ELAPOR1: variants seen among roughly 807,000 people sequenced by gnomAD.
The protein encoded by ELAPOR1 is endosome/lysosome-associated apoptosis and autophagy regulator 1.
Under a neutral mutation model 119.7 loss-of-function variants are expected in ELAPOR1, and 77 were observed. The ratio of observed to expected loss-of-function variants is 0.64; its 90% confidence interval spans 0.54 to 0.78. The LOEUF is 0.78. Among genes scored for constraint, ELAPOR1 ranks in the 30% least tolerant of loss-of-function variants. The pLI is 0.00. For synonymous variants in ELAPOR1, 481 were observed against 487.2 expected, an observed-to-expected ratio of 0.99 and a Z score of 0.17; for missense variants, 1,115 against 1,270.4, an observed-to-expected ratio of 0.88 and a Z score of 1.86.
rs1471332997 is a variant in ELAPOR1 at position 109,204,221 on chromosome 1, C to G, written c.*1209C>G. The G allele has an allele frequency of 6.6e-6, 1 of 152,228 alleles. No individual in the cohort carries two copies. Among genetic ancestry groups the G allele is most frequent in the Non-Finnish European group, 1.5e-5 (1 of 68,058 alleles). 9.4% of individuals were successfully genotyped at this position (152,228 alleles called of 1,614,324 possible). A position where few individuals can be genotyped will look rare whatever the true frequency, so the allele number is the denominator to read the frequency against. On this transcript the variant is annotated 3_prime_UTR_variant, in exon 22 of 22. Coordinates refer to ENST00000369939, the MANE Select transcript of ELAPOR1 (RefSeq NM_020775.5). The stretch of plus-strand genomic sequence containing the variant: ...TACAGGCATAAGCCACTGCACTCAG[C>G]CTTTTATTTGTTTTTTAAACCACGT...
In ELAPOR1 at chr1:109,203,338, T is replaced by G. The variant is rs1262018468; in HGVS notation, c.*326T>G. On this transcript the variant is annotated 3_prime_UTR_variant, in exon 22 of 22. Transcript: ENST00000369939. ...TGGAATGAAAATATTTCTATCTTCTTAAGTATAGAAACTATTTCCTCTGTC... is the reference window on the plus strand; with the variant it reads ...TGGAATGAAAATATTTCTATCTTCTGAAGTATAGAAACTATTTCCTCTGTC... 1 of 304,610 alleles carries G rather than the reference T, an allele frequency of 3.3e-6. No individual in the cohort carries two copies. Among genetic ancestry groups the G allele is most frequent in the Non-Finnish European group, 6.1e-6 (1 of 164,892 alleles). 18.9% of individuals were successfully genotyped at this position (304,610 alleles called of 1,614,324 possible). A position where few individuals can be genotyped will look rare whatever the true frequency, so the allele number is the denominator to read the frequency against.
At chr1:109,144,061 A>ATTTTTTTTTTTTTTTTTTTTTTT (rs71069655) in intron 1 of ELAPOR1, among the ~76,000 whole-genome samples, 6 of 88,990 alleles carry the variant, frequency 6.7e-5, no homozygotes, top group South Asian at 3.5e-4. Context: ...ATATTTATAT[A>ATTTTTTTTTTTTTTTTTTTTTTT]TTTTTTTTTT....
rs200285918 is a variant in ELAPOR1, at chr1:109,198,554, G to T, written c.2400-19G>T. The T allele has an allele frequency of 3.7e-6, 6 of 1,605,972 alleles. No individual in the cohort carries two copies. The highest frequency in any genetic ancestry group is 5.1e-6 in the Non-Finnish European group (6 of 1,174,908). On this transcript the variant is annotated intron_variant, in intron 17 of 21. Coordinates refer to ENST00000369939, the MANE Select transcript of ELAPOR1 (RefSeq NM_020775.5). Reference sequence around the variant, plus strand: ...AGCTGAGTGACTCATTCCCTCATGGGGGCTGGCTTTCTCTGCAGGTCCAAT... The same window carrying T: ...AGCTGAGTGACTCATTCCCTCATGGTGGCTGGCTTTCTCTGCAGGTCCAAT...
chr1:109,173,409 C>T, intron 5 of ELAPOR1, 65 bp from the exon 6 acceptor site: 1 of 1,330,942 alleles, frequency 7.5e-7, no homozygotes, highest in Non-Finnish European at 1.1e-6. Context: ...CAACAAGAGG[C>T]TATACCAACA....
chr1:109,145,885 G>C (rs1650147314), intron 1 of ELAPOR1, among the ~76,000 whole-genome samples: 2 of 152,200 alleles, frequency 1.3e-5, no homozygotes, highest in Non-Finnish European at 2.9e-5. Context: ...ATGAGAAATA[G>C]AATAGAAATA....
At chr1:109,201,936 CA>C (rs1216825642) in intron 21 of ELAPOR1, among the ~76,000 whole-genome samples, 1 of 151,966 alleles carries the variant, frequency 6.6e-6, no homozygotes, top group Non-Finnish European at 1.5e-5. Flanking sequence ...CCCATCTCTA[CA>C]AAATAAAAAA....
intron 1 of ELAPOR1, among the ~76,000 whole-genome samples, chr1:109,123,234 A>G (rs372720285): frequency 2.9e-4 from 44 of 152,336 alleles, no homozygotes; most frequent in African/African-American, 9.9e-4. Context: ...ATATGTTGCC[A>G]TTTTTGAAGC....
At chr1:109,120,640 T>A (rs550120770) in intron 1 of ELAPOR1, among the ~76,000 whole-genome samples, 15 of 152,082 alleles carry the variant, frequency 9.9e-5, no homozygotes, top group South Asian at 4.1e-4. Flanking sequence ...GACTAGGCAG[T>A]CACTTTAGCC....
chr1:109,198,239 C>T (rs1653950705), intron 17 of ELAPOR1, among the ~76,000 whole-genome samples, 164 bp downstream of exon 17: 1 of 152,174 alleles, frequency 6.6e-6, no homozygotes, highest in Admixed American at 6.5e-5. Context: ...AGTTCCTGAT[C>T]CCAGCTTCCT....
chr1:109,123,276 T>C (rs866219711), intron 1 of ELAPOR1, among the ~76,000 whole-genome samples: 12 of 152,146 alleles, frequency 7.9e-5, no homozygotes, highest in Middle Eastern at 3.2e-3. Flanking sequence ...TTGATACAAA[T>C]AACCAACCAC....
chr1:109,147,598 A>G (rs1396838835), intron 1 of ELAPOR1, among the ~76,000 whole-genome samples: 1 of 152,054 alleles, frequency 6.6e-6, no homozygotes, highest in Non-Finnish European at 1.5e-5. Flanking sequence ...ACTCTAATGT[A>G]AGCCACGAAC....
intron 1 of ELAPOR1, among the ~76,000 whole-genome samples, chr1:109,135,559 C>G (rs1649419208): frequency 6.6e-6 from 1 of 152,134 alleles, no homozygotes; most frequent in Non-Finnish European, 1.5e-5. Flanking sequence ...ATTCAAATTT[C>G]TAACAAGTCT....
rs545959320 is a variant in ELAPOR1 at position 109,140,981 on chromosome 1, A to G, written c.154-20913A>G. 5.9e-4 allele frequency among the ~76,000 whole-genome samples: 89 copies of G among 152,032 alleles called. 1 individual carries two copies. The highest frequency in any genetic ancestry group is 2.0e-3 in the African/African-American group (84 of 41,468). On this transcript the variant is annotated intron_variant, in intron 1 of 21. Transcript: ENST00000369939. Reference sequence around the variant, plus strand: ...ATCCTTGTGCCTCAGCCTCCCAAGTAGCAGGGATTACAGGCATGCACCACC... The same window carrying G: ...ATCCTTGTGCCTCAGCCTCCCAAGTGGCAGGGATTACAGGCATGCACCACC...
chr1:109,174,446 A>AAAAAAAC, intron 7 of ELAPOR1, among the ~76,000 whole-genome samples: 1 of 133,258 alleles, frequency 7.5e-6, no homozygotes, highest in Admixed American at 7.7e-5. Context: ...AAAAAAAAAA[A>AAAAAAAC]AATCATTCAA....
Position 109,191,467 on chromosome 1 carries a change from T to C in ELAPOR1, c.1541T>C (p.Met514Thr). ...TCTGTGAACTGTGAGCTCTACTTCA[T>C]GGTGGTACGTTTTCCTTTCTTTGCC... The part of the protein sequence containing the change: ...LCSVNCELYF[M>T]VGVNSRTNTP... The change falls in exon 12 of 22, where the codon ATG becomes ACG. Residue 514 changes from methionine to threonine, a missense_variant. Met to Thr is a moderately conservative substitution (Grantham distance 81). Coordinates refer to ENST00000369939, the MANE Select transcript of ELAPOR1 (RefSeq NM_020775.5). The C allele has an allele frequency of 6.2e-7, 1 of 1,613,504 alleles. No homozygotes were observed. Among genetic ancestry groups the C allele is most frequent in the Non-Finnish European group, 8.5e-7 (1 of 1,179,364 alleles).
rs149585058 is a variant in ELAPOR1, at chr1:109,188,206, G to A, written c.1071G>A (p.Pro357=). The change falls in exon 9 of 22, where the codon CCG becomes CCA. Residue 357 remains proline (P), a synonymous_variant. Transcript: ENST00000369939. ...AACTCATGTACAAATGGGCCAAGCC[G>A]AAAATCTGTAGCGAGGACCTTGAGG... ...ETQLMYKWAK[P]KICSEDLEGA... is the part of the protein sequence containing the mutation. 2.8e-4 allele frequency: 458 copies of A among 1,612,104 alleles called. 1 individual carries two copies. The African/African-American group carries it at 4.2e-3, about 15-fold the overall frequency.
At chr1:109,163,566 C>CA (rs1651396855) in intron 2 of ELAPOR1, among the ~76,000 whole-genome samples, 1 of 106,378 alleles carries the variant, frequency 9.4e-6, no homozygotes, top group Non-Finnish European at 2.3e-5. Context: ...CTAATTTAAA[C>CA]ATTTTTTTTT....
At chr1:109,183,342 AAAAAAAC>A (rs1652822023) in intron 7 of ELAPOR1, among the ~76,000 whole-genome samples, 1 of 47,278 alleles carries the variant, frequency 2.1e-5, no homozygotes, top group South Asian at 9.3e-4. Context: ...AAAAAAAAAA[AAAAAAAC>A]AAAAAAAAGA....
intron 1 of ELAPOR1, among the ~76,000 whole-genome samples, chr1:109,137,597 G>A (rs1211173235): frequency 1.3e-5 from 2 of 151,700 alleles, no homozygotes; most frequent in East Asian, 1.9e-4. Context: ...GTGCAATCTC[G>A]GCTCACTGCA....
Sources: gnomAD v4.1 joint callset for allele counts (sites outside exome capture counted in the v4.1 genomes callset) on GRCh38, gnomAD v4.1.1 for gene constraint, MANE v1.5 for transcripts, NCBI Gene and HGNC (gene_info 2026-07-23, HGNC 2026-07-21) for gene names.